Variants in RESP18 observed in about 807,000 individuals in gnomAD.
RESP18 encodes regulated endocrine specific protein 18.
A neutral mutation model predicts 30.0 loss-of-function variants in RESP18; 30 were observed. The observed-to-expected ratio is 1.00, with a 90% CI of 0.75 to 1.36. RESP18 has a LOEUF of 1.36. Ranked by LOEUF, RESP18 falls within the 40% of genes most tolerant of loss-of-function variation. The pLI is 0.00. For synonymous variants in RESP18, 117 were observed against 111.2 expected (o/e 1.05, Z -0.33); for missense variants, 320 against 284.2 (o/e 1.13, Z -0.91).
At chr2:219,328,450 A>G (rs77251296) in intron 6 of RESP18, among the ~76,000 whole-genome samples, 37,243 of 152,038 alleles carry the variant, frequency 0.24, 5,977 homozygotes, top group African/African-American at 0.45. Flanking sequence ...AAAAAAAAAA[A>G]AACCTCTTTT....
At chr2:219,331,063 C>G (rs1345797950) in intron 2 of RESP18, 188 bp from the exon 2 acceptor site, 1 of 554,960 alleles carries the variant, frequency 1.8e-6, no homozygotes, top group East Asian at 3.1e-5. Context: ...CCATATTCTT[C>G]AACCCCTGGG....
chr2:219,331,425 G>C (rs1288841671), intron 2 of RESP18, among the ~76,000 whole-genome samples: 3 of 152,306 alleles, frequency 2.0e-5, no homozygotes, highest in Admixed American at 2.0e-4. Flanking sequence ...AGATCAGTGA[G>C]ATAGGGCTGG....
At position 219,329,765 on chromosome 2, in the gene RESP18, C is replaced by G. The variant is rs887648414; in HGVS notation, c.338-1G>C. ...GTGATGTCATCCTTCCAGAACAGAC[C>G]TGCAGGATGAAAGGATGGGGGGTGA... On this transcript the variant is annotated splice_acceptor_variant, in intron 3 of 6. Coordinates refer to ENST00000333527, the MANE Select transcript of RESP18 (RefSeq NM_001007089.4). LOFTEE classifies it high-confidence loss of function. The G allele has an allele frequency of 6.4e-7, 1 of 1,550,980 alleles. No homozygotes were observed. The highest frequency in any genetic ancestry group is 2.0e-5 in the Admixed American group (1 of 50,984).
Position 219,328,032 on chromosome 2 carries a change from C to T in RESP18, c.641-469G>A, listed in dbSNP as rs1039855560. 2.6e-5 allele frequency among the ~76,000 whole-genome samples: 4 copies of T among 152,218 alleles called. No individual in the cohort carries two copies. The South Asian group carries it at 8.3e-4, about 31-fold the overall frequency. Reference sequence around the variant, plus strand: ...CCGGGGGTGCCCTGCTTCACTGCCACCACCCAAATTCAAGCCACCTCGGTC... The same window carrying T: ...CCGGGGGTGCCCTGCTTCACTGCCATCACCCAAATTCAAGCCACCTCGGTC... On this transcript the variant is annotated intron_variant, in intron 6 of 6. Transcript: ENST00000333527.
chr2:219,329,069 C>T (rs1952802954), intron 5 of RESP18, 61 bp from the exon 5 acceptor site: 9 of 1,475,914 alleles, frequency 6.1e-6, no homozygotes, highest in East Asian at 2.5e-5. Context: ...TTTTCTGCAG[C>T]GATCTGCCCT....
chr2:219,331,827 T>A (rs948335266), intron 2 of RESP18, among the ~76,000 whole-genome samples: 6 of 152,184 alleles, frequency 3.9e-5, no homozygotes, highest in African/African-American at 1.4e-4. Flanking sequence ...TCCGCAAGGC[T>A]TGGCGGTCCT....
At chr2:219,327,916 A>G (rs980644676) in intron 6 of RESP18, among the ~76,000 whole-genome samples, 6 of 152,214 alleles carry the variant, frequency 3.9e-5, no homozygotes, top group African/African-American at 1.4e-4. Context: ...CAGCTGCCAC[A>G]TTATGGAAGT....
intron 1 of RESP18, chr2:219,333,039 C>T (rs1952850900): frequency 2.2e-6 from 2 of 922,576 alleles, no homozygotes; most frequent in Non-Finnish European, 3.1e-6. Context: ...TTTTATTATC[C>T]TTGACACTCT....
Position 219,333,114 on chromosome 2 carries a change from TA to T in RESP18, c.17+46del, listed in dbSNP as rs1380101371. On this transcript the variant is annotated intron_variant, in intron 1 of 6. Transcript: ENST00000333527. Reference sequence around the variant, plus strand: ...GTTCGATCTGCTATATATATATATATAATATTATATATTATATATTATATAT... The same window carrying T: ...GTTCGATCTGCTATATATATATATATATATTATATATTATATATTATATAT... 2.8e-5 allele frequency: 23 copies of T among 812,484 alleles called. No individual in the cohort carries two copies. The African/African-American group carries it at 9.9e-4, about 35-fold the overall frequency. 50.3% of individuals were successfully genotyped at this position (812,484 alleles called of 1,614,324 possible).
At position 219,330,928 on chromosome 2, in the gene RESP18, C is replaced by G. The variant is rs1360573729; in HGVS notation, c.233-53G>C. The G allele has an allele frequency of 2.8e-6, 3 of 1,074,660 alleles. No individual in the cohort carries two copies. In the Admixed American group the frequency reaches 6.0e-5, roughly 21 times the overall value. 66.6% of individuals were successfully genotyped at this position (1,074,660 alleles called of 1,614,324 possible). A position where few individuals can be genotyped will look rare whatever the true frequency, so the allele number is the denominator to read the frequency against. On this transcript the variant is annotated intron_variant, in intron 2 of 6. Coordinates refer to ENST00000333527, the MANE Select transcript of RESP18 (RefSeq NM_001007089.4). ...GGAACCTGGCCAGAGCCTTCCACAT[C>G]CCAGTTGAAGAGAAGCAGCTTCCTT...
In RESP18 at chr2:219,327,647, G is replaced by A. The variant is rs189136086; in HGVS notation, c.641-84C>T. ...CATCTGCCCTCCTTCCACAAATACT[G>A]TAGTAACAGCCTGATTTGAGTAACC... On this transcript the variant is annotated intron_variant, in intron 6 of 6. Coordinates refer to ENST00000333527, the MANE Select transcript of RESP18 (RefSeq NM_001007089.4). 2.0e-5 allele frequency: 23 copies of A among 1,159,018 alleles called. No homozygotes were observed. The Admixed American group carries it at 3.8e-4, about 19-fold the overall frequency. The allele number at this position is 1,159,018 out of a possible 1,614,324, so 71.8% of individuals were successfully genotyped here.
intron 4 of RESP18, 141 bp from the exon 4 acceptor site, chr2:219,329,393 T>C: frequency 3.9e-6 from 6 of 1,551,330 alleles, no homozygotes; most frequent in Non-Finnish European, 5.2e-6. Flanking sequence ...GGAGTTGAAG[T>C]TTCTCCTCTT....
At chr2:219,332,116 A>G (rs572215232) in intron 2 of RESP18, among the ~76,000 whole-genome samples, 1 of 151,976 alleles carries the variant, frequency 6.6e-6, no homozygotes, top group South Asian at 2.1e-4. Flanking sequence ...CTTATTGGAA[A>G]CCGGATCACA....
At chr2:219,330,289 G>A (rs1403648124) in intron 3 of RESP18, among the ~76,000 whole-genome samples, 25 of 151,762 alleles carry the variant, frequency 1.6e-4, no homozygotes, top group Admixed American at 1.6e-3. Flanking sequence ...TTTCCTAGCT[G>A]ACTGTCTCCT....
intron 2 of RESP18, among the ~76,000 whole-genome samples, chr2:219,332,159 A>G (rs1952838115): frequency 1.3e-5 from 2 of 152,116 alleles, no homozygotes; most frequent in African/African-American, 4.8e-5. Context: ...CTCCTGGCCC[A>G]GCCTTCTCCC....
chr2:219,330,430 CCTGT>C (rs1225120786), intron 3 of RESP18, among the ~76,000 whole-genome samples: 1 of 152,118 alleles, frequency 6.6e-6, no homozygotes, highest in Non-Finnish European at 1.5e-5. Context: ...TGTGTGTTTT[CCTGT>C]CTGAGAACTT....
At chr2:219,331,048 A>C in intron 2 of RESP18, 173 bp from the exon 2 acceptor site, 1 of 568,306 alleles carries the variant, frequency 1.8e-6, no homozygotes, top group Non-Finnish European at 3.1e-6. Context: ...CTCCATCACC[A>C]CTTGCCATAT....
At chr2:219,327,934 T>G (rs1952790277) in intron 6 of RESP18, among the ~76,000 whole-genome samples, 1 of 152,196 alleles carries the variant, frequency 6.6e-6, no homozygotes, top group Non-Finnish European at 1.5e-5. Context: ...AGTAGGAATC[T>G]GTTTCCTTGG....
rs1952810952 is a variant in RESP18, at chr2:219,329,740, G to A, written c.362C>T (p.Thr121Ile). 2 of 1,551,670 alleles carry A rather than the reference G, an allele frequency of 1.3e-6. No individual in the cohort carries two copies. Among genetic ancestry groups the A allele is most frequent in the Non-Finnish European group, 1.7e-6 (2 of 1,146,982 alleles). Residue 121 changes from threonine to isoleucine, a missense_variant, in exon 4 of 7, where the codon ACC becomes ATC. Transcript: ENST00000333527. ...CATCTTTTGGATCATTGCATCCTGG[G>A]TGATGTCATCCTTCCAGAACAGACC...
Sources: gnomAD v4.1 joint callset for allele counts (sites outside exome capture counted in the v4.1 genomes callset) on GRCh38, gnomAD v4.1.1 for gene constraint, MANE v1.5 for transcripts, NCBI Gene and HGNC (gene_info 2026-07-23, HGNC 2026-07-21) for gene names.